Variants in HK2 observed in about 807,000 individuals in gnomAD.
The protein encoded by HK2 is hexokinase-2.
A neutral mutation model predicts 92.9 loss-of-function variants in HK2; 42 were observed. The ratio of observed to expected loss-of-function variants is 0.45; its 90% CI spans 0.35 to 0.58. The LOEUF is 0.58. HK2 is among the 20% of genes least tolerant of loss of function. HK2 has a pLI of 0.00. For synonymous variants in HK2, 422 were observed against 468.0 expected, an observed-to-expected ratio of 0.90 and a Z score of 1.27; for missense variants, 978 against 1,245.1, an observed-to-expected ratio of 0.79 and a Z score of 3.23.
intron 2 of HK2, 72 bp from the exon 3 acceptor site, chr2:74,867,564 G>T: frequency 6.4e-7 from 1 of 1,562,810 alleles, no homozygotes; most frequent in Non-Finnish European, 8.8e-7. Context: ...GAGGGACTTG[G>T]AGTTTTAAGT....
intron 1 of HK2, among the ~76,000 whole-genome samples, chr2:74,839,410 A>T (rs1485393721): frequency 6.6e-6 from 1 of 152,106 alleles, no homozygotes; most frequent in Admixed American, 6.5e-5. Context: ...TGTCTATGTT[A>T]ATTTTGATTG....
At chr2:74,881,364 C>T (rs1358879635) in intron 10 of HK2, among the ~76,000 whole-genome samples, 4 of 152,148 alleles carry the variant, frequency 2.6e-5, no homozygotes, top group Non-Finnish European at 5.9e-5. Context: ...CTGTCCTGGT[C>T]GTATGGCCCC....
intron 1 of HK2, among the ~76,000 whole-genome samples, chr2:74,842,458 A>T (rs1688336082): frequency 6.6e-6 from 1 of 152,228 alleles, no homozygotes; most frequent in African/African-American, 2.4e-5. Context: ...CCTCATTGTA[A>T]GTCGGAGCAT....
chr2:74,871,678 T>C (rs748821279), intron 3 of HK2, among the ~76,000 whole-genome samples: 5 of 152,226 alleles, frequency 3.3e-5, no homozygotes, highest in Admixed American at 3.3e-4. Context: ...ATGTTCTGTT[T>C]AGAAAGTTAG....
intron 1 of HK2, among the ~76,000 whole-genome samples, chr2:74,848,292 G>A (rs913569220): frequency 6.6e-6 from 1 of 152,182 alleles, no homozygotes; most frequent in African/African-American, 2.4e-5. Flanking sequence ...ATATGAGCCA[G>A]CTTCTTTGAT....
At chr2:74,846,011 C>T (rs1226588628) in intron 1 of HK2, among the ~76,000 whole-genome samples, 1 of 152,236 alleles carries the variant, frequency 6.6e-6, no homozygotes, top group Non-Finnish European at 1.5e-5. Context: ...GGTTAGGGCA[C>T]TCGGCTGGTC....
chr2:74,841,423 A>C (rs1688312709), intron 1 of HK2, among the ~76,000 whole-genome samples: 1 of 152,110 alleles, frequency 6.6e-6, no homozygotes, highest in Admixed American at 6.6e-5. Context: ...AAATGTCTAC[A>C]GTGTCAAATT....
At chr2:74,887,807 T>C in intron 15 of HK2, 96 bp from the exon 16 acceptor site, 1 of 1,127,744 alleles carries the variant, frequency 8.9e-7, no homozygotes, top group South Asian at 1.2e-5. Context: ...TGTCTGCCAC[T>C]GCTGATGCAC....
In HK2 at chr2:74,834,338, G is replaced by A. The variant is rs1688093757; in HGVS notation, c.-243G>A. On this transcript the variant is annotated 5_prime_UTR_variant, in exon 1 of 18. Coordinates refer to ENST00000290573, the MANE Select transcript of HK2 (RefSeq NM_000189.5). The surrounding 1 kb of genome is among the most constrained non-coding windows in gnomAD (Gnocchi z 4.2). Reference sequence around the variant, plus strand: ...GCCTTGACGTGGGACAACCGGACACGTCGCCAGGAGAGAACTGAGGCGCCT... The same window carrying A: ...GCCTTGACGTGGGACAACCGGACACATCGCCAGGAGAGAACTGAGGCGCCT... 3 of 578,088 alleles carry A rather than the reference G, an allele frequency of 5.2e-6. No homozygotes were observed. The highest frequency in any genetic ancestry group is 5.9e-5 in the East Asian group (2 of 33,750). The allele number at this position is 578,088 out of a possible 1,614,324, so 35.8% of individuals were successfully genotyped here. A position where few individuals can be genotyped will look rare whatever the true frequency, so the allele number is the denominator to read the frequency against.
At chr2:74,842,646 A>G (rs1573353531) in intron 1 of HK2, among the ~76,000 whole-genome samples, 1 of 152,230 alleles carries the variant, frequency 6.6e-6, no homozygotes, top group African/African-American at 2.4e-5. Flanking sequence ...CAGAGAAGTC[A>G]GAAGGATGGA....
Position 74,855,647 on chromosome 2 carries a change from T to C in HK2, c.226+1192T>C, listed in dbSNP as rs117740363. 4.7e-4 allele frequency among the ~76,000 whole-genome samples: 72 copies of C among 152,350 alleles called. 2 individuals carry two copies. The East Asian group carries it at 0.012, about 26-fold the overall frequency. ...GTCCAGTGGATTAGGGCTAGGTCAC[T>C]GAAGGCCTTGAATGCAAGCCTAAAA... On this transcript the variant is annotated intron_variant, in intron 2 of 17. Coordinates refer to ENST00000290573, the MANE Select transcript of HK2 (RefSeq NM_000189.5).
In HK2 at chr2:74,881,692, C is replaced by A. The variant is rs372399403; in HGVS notation, c.1571-19C>A. On this transcript the variant is annotated intron_variant, in intron 10 of 17. Transcript: ENST00000290573. ...CATGTTCTGCCCCAACTTATCACTT[C>A]CCTGGGCTTATTTTCCAGAGAAAGG... 1 of 1,613,602 alleles carries A rather than the reference C, an allele frequency of 6.2e-7. No homozygotes were observed. Among genetic ancestry groups the A allele is most frequent in the African/African-American group, 1.3e-5 (1 of 74,918 alleles).
intron 1 of HK2, among the ~76,000 whole-genome samples, chr2:74,840,934 A>G (rs1001366502): frequency 2.0e-5 from 3 of 150,354 alleles, no homozygotes; most frequent in African/African-American, 7.4e-5. Context: ...GGCAAATTAA[A>G]TCCCCATAGC....
intron 2 of HK2, among the ~76,000 whole-genome samples, chr2:74,856,936 T>C (rs749847202): frequency 7.2e-5 from 11 of 152,208 alleles, no homozygotes; most frequent in Non-Finnish European, 1.3e-4. Flanking sequence ...TTGGACTGTA[T>C]TATAGGCAGG....
chr2:74,845,424 G>C (rs1688413262), intron 1 of HK2, among the ~76,000 whole-genome samples: 1 of 152,272 alleles, frequency 6.6e-6, no homozygotes, highest in South Asian at 2.1e-4. Context: ...CAGAATGTCT[G>C]AGGACAGGAG....
At chr2:74,842,439 G>A (rs1001993594) in intron 1 of HK2, among the ~76,000 whole-genome samples, 1 of 152,104 alleles carries the variant, frequency 6.6e-6, no homozygotes, top group South Asian at 2.1e-4. Context: ...CTTACTAATC[G>A]GGACATAACC....
chr2:74,861,506 A>T (rs1688826098), intron 2 of HK2, among the ~76,000 whole-genome samples: 1 of 152,058 alleles, frequency 6.6e-6, no homozygotes, highest in South Asian at 2.1e-4. Flanking sequence ...AATCTGTTTT[A>T]CTCTCCACAA....
intron 1 of HK2, among the ~76,000 whole-genome samples, chr2:74,848,933 C>T (rs1365137458): frequency 6.6e-6 from 1 of 152,182 alleles, no homozygotes; most frequent in Non-Finnish European, 1.5e-5. Flanking sequence ...CGAGGCTGCT[C>T]CCCGATGGGC....
At chr2:74,835,674 G>A (rs1047110353) in intron 1 of HK2, among the ~76,000 whole-genome samples, 2 of 152,228 alleles carry the variant, frequency 1.3e-5, no homozygotes, top group African/African-American at 4.8e-5. Context: ...TTTCTGAAAT[G>A]CCCGGGATTA....
Sources: allele counts gnomAD v4.1 joint callset (sites outside exome capture counted in the v4.1 genomes callset), GRCh38; gene constraint gnomAD v4.1.1; non-coding constraint Gnocchi (gnomAD v3.1); transcripts MANE v1.5; gene names NCBI Gene and HGNC (gene_info 2026-07-23, HGNC 2026-07-21).